Variants in TRAPPC9 observed in about 807,000 individuals in gnomAD.
The protein encoded by TRAPPC9 is IKK2 binding protein.
Under a neutral mutation model 124.0 loss-of-function variants are expected in TRAPPC9, and 83 were observed. That is an observed-to-expected ratio of 0.67 (90% CI 0.56 to 0.80). TRAPPC9 has a LOEUF of 0.80. Among genes scored for constraint, TRAPPC9 ranks in the 30% least tolerant of loss-of-function variants. TRAPPC9 has a pLI of 0.00. For synonymous variants in TRAPPC9, 638 were observed against 617.5 expected (o/e 1.03, Z -0.49); for missense variants, 1,302 against 1,508.3 (o/e 0.86, Z 2.27).
At chr8:140,272,298 C>T (rs2064954824) in intron 15 of TRAPPC9, among the ~76,000 whole-genome samples, 1 of 135,622 alleles carries the variant, frequency 7.4e-6, no homozygotes, top group Non-Finnish European at 1.6e-5. Flanking sequence ...GCAGTTGTGA[C>T]AGTGGTGGTT....
chr8:140,089,733 C>T (rs765721247), intron 17 of TRAPPC9, among the ~76,000 whole-genome samples: 1 of 152,046 alleles, frequency 6.6e-6, no homozygotes, highest in African/African-American at 2.4e-5. Context: ...GGAGAGGTCC[C>T]GCACTTGATA....
intron 17 of TRAPPC9, among the ~76,000 whole-genome samples, chr8:140,142,359 G>T (rs1357871897): frequency 6.6e-6 from 1 of 152,198 alleles, no homozygotes; most frequent in African/African-American, 2.4e-5. Context: ...ATTCCAAAAA[G>T]CACCTCCAAA....
chr8:140,130,862 A>T (rs1005433727), intron 17 of TRAPPC9, among the ~76,000 whole-genome samples: 1 of 152,200 alleles, frequency 6.6e-6, no homozygotes, highest in Non-Finnish European at 1.5e-5. Context: ...TTTAAAAATC[A>T]CACAGAAAAA....
At chr8:139,955,794 C>G (rs1402813114) in intron 19 of TRAPPC9, among the ~76,000 whole-genome samples, 1 of 152,176 alleles carries the variant, frequency 6.6e-6, no homozygotes, top group Non-Finnish European at 1.5e-5. Flanking sequence ...CATTCTGTGT[C>G]CACTAACGTC....
chr8:140,335,958 T>C (rs2067023965), intron 9 of TRAPPC9, among the ~76,000 whole-genome samples: 1 of 152,160 alleles, frequency 6.6e-6, no homozygotes, highest in Non-Finnish European at 1.5e-5. Context: ...TAGGCCCGCC[T>C]TGGCCCCACA....
chr8:140,268,549 G>A (rs1414133539), intron 15 of TRAPPC9, among the ~76,000 whole-genome samples: 1 of 152,174 alleles, frequency 6.6e-6, no homozygotes, highest in Non-Finnish European at 1.5e-5. Context: ...GTCTATTTAC[G>A]TTTATCATGA....
chr8:140,306,210 T>A (rs894671344), intron 10 of TRAPPC9, among the ~76,000 whole-genome samples: 1 of 152,112 alleles, frequency 6.6e-6, no homozygotes, highest in Non-Finnish European at 1.5e-5. Context: ...TAAAGAATTA[T>A]GGAGACCAGG....
Position 140,435,157 on chromosome 8 carries a change from G to A in TRAPPC9, c.814C>T (p.Gln272Ter). The A allele has an allele frequency of 6.2e-7, 1 of 1,614,178 alleles. No homozygotes were observed. Among genetic ancestry groups the A allele is most frequent in the Non-Finnish European group, 8.5e-7 (1 of 1,180,044 alleles). The change falls in exon 4 of 23, where the codon CAG (glutamine) becomes TAG (stop). Residue 272 changes from glutamine (Q) to a stop codon, truncating the protein, a stop_gained. Coordinates refer to ENST00000438773, the MANE Select transcript of TRAPPC9 (RefSeq NM_001160372.4). LOFTEE classifies it high-confidence loss of function. ...GCTTCAGCAGGAAGGGTGCTGCCCT[G>A]GAACCTCCGAGCTCCACTCTTCCCA... ...TGGKSGARRF[Q>*]GSTLPAEAAN...
Position 140,241,145 on chromosome 8 carries a change from T to C in TRAPPC9, c.2431+11632A>G, listed in dbSNP as rs1421427030. ...CGGGTGTGGTGGCTCACACCTGTAA[T>C]TCCAGCACTTTAGGAGGCCGAGGCA... On this transcript the variant is annotated intron_variant, in intron 16 of 22. Transcript: ENST00000438773. The surrounding 1 kb of genome is among the most constrained non-coding windows in gnomAD (Gnocchi z 5.0). Among the ~76,000 whole-genome samples, 1 of 152,226 alleles carries C rather than the reference T, an allele frequency of 6.6e-6. No individual in the cohort carries two copies. Among genetic ancestry groups the C allele is most frequent in the African/African-American group, 2.4e-5 (1 of 41,446 alleles).
chr8:140,098,788 C>T (rs1199915930), intron 17 of TRAPPC9: 1 of 151,930 alleles, frequency 6.6e-6, no homozygotes, highest in Non-Finnish European at 1.5e-5. Flanking sequence ...TGACGCCCAC[C>T]CAGGTCCTCC....
chr8:139,805,188 CT>C (rs995786454), intron 21 of TRAPPC9, among the ~76,000 whole-genome samples: 34 of 152,216 alleles, frequency 2.2e-4, no homozygotes, highest in African/African-American at 8.0e-4. Flanking sequence ...CGGAGACCCC[CT>C]GGATGTGGAG....
At chr8:140,423,700 G>GTATACACATATATACATATATACACATA (rs2070319955) in intron 5 of TRAPPC9, among the ~76,000 whole-genome samples, 2 of 53,408 alleles carry the variant, frequency 3.7e-5, no homozygotes, top group Non-Finnish European at 6.0e-5. Context: ...ATATACACAT[G>GTATACACATATATACATATATACACATA]TATACACATA....
chr8:139,739,519 G>A (rs1818418640), intron 21 of TRAPPC9, among the ~76,000 whole-genome samples: 1 of 152,276 alleles, frequency 6.6e-6, no homozygotes, highest in Admixed American at 6.5e-5. Flanking sequence ...TGTCCTCCCC[G>A]CCACTGCTCC....
intron 17 of TRAPPC9, among the ~76,000 whole-genome samples, chr8:140,076,365 G>A (rs772009463): frequency 2.0e-4 from 31 of 152,168 alleles, no homozygotes; most frequent in African/African-American, 6.8e-4. Flanking sequence ...TGACACCACC[G>A]TGAGAGCTGC....
chr8:140,300,176 C>T (rs977244814), intron 11 of TRAPPC9, among the ~76,000 whole-genome samples: 4 of 152,230 alleles, frequency 2.6e-5, no homozygotes, highest in African/African-American at 9.6e-5. Flanking sequence ...CACACACGCA[C>T]ACACACGCAC....
chr8:140,357,736 G>A (rs1276791984), intron 9 of TRAPPC9, among the ~76,000 whole-genome samples: 6 of 152,132 alleles, frequency 3.9e-5, no homozygotes, highest in Non-Finnish European at 8.8e-5. Context: ...GCTCTGCCTC[G>A]GCCTGCTGCT....
intron 16 of TRAPPC9, among the ~76,000 whole-genome samples, chr8:140,250,441 G>A (rs1177811046): frequency 2.6e-5 from 4 of 152,050 alleles, no homozygotes. Flanking sequence ...TCCACACGTG[G>A]TCCCCCATTA....
At chr8:140,336,197 C>G (rs2067035384) in intron 9 of TRAPPC9, among the ~76,000 whole-genome samples, 3 of 152,074 alleles carry the variant, frequency 2.0e-5, no homozygotes, top group Admixed American at 1.3e-4. Context: ...GTGTCACGTC[C>G]CTGAGGTCAC....
In TRAPPC9 at chr8:139,730,956, G is replaced by A; in HGVS notation, c.*105C>T. The A allele has an allele frequency of 7.8e-7, 1 of 1,280,912 alleles. No individual in the cohort carries two copies. Among genetic ancestry groups the A allele is most frequent in the Non-Finnish European group, 1.1e-6 (1 of 922,784 alleles). 79.3% of individuals were successfully genotyped at this position (1,280,912 alleles called of 1,614,324 possible). A position where few individuals can be genotyped will look rare whatever the true frequency, so the allele number is the denominator to read the frequency against. Reference sequence around the variant, plus strand: ...GGGCTGGGAGGGGTCTGGGGGAGGAGGAGGAGATGGGGCTGCAGTGAAGGC... The same window carrying A: ...GGGCTGGGAGGGGTCTGGGGGAGGAAGAGGAGATGGGGCTGCAGTGAAGGC... On this transcript the variant is annotated 3_prime_UTR_variant, in exon 23 of 23. Transcript: ENST00000438773.
Sources: allele counts gnomAD v4.1 joint callset (sites outside exome capture counted in the v4.1 genomes callset), GRCh38; gene constraint gnomAD v4.1.1; non-coding constraint Gnocchi (gnomAD v3.1); transcripts MANE v1.5; gene names NCBI Gene and HGNC (gene_info 2026-07-23, HGNC 2026-07-21).